NAV2: variants seen among roughly 807,000 people sequenced by gnomAD.
NAV2 encodes the protein helicase, APC down-regulated 1.
Under a neutral mutation model 223.2 loss-of-function variants are expected in NAV2, and 54 were observed. That is an observed-to-expected ratio of 0.24 (90% CI 0.19 to 0.30). The LOEUF (loss-of-function observed/expected upper bound fraction) is 0.30, where lower values mean the gene tolerates loss of function less well. Among genes scored for constraint, NAV2 ranks in the 10% least tolerant of loss-of-function variants. The pLI, the probability that NAV2 is intolerant of heterozygous loss-of-function variation, is 1.00. For synonymous variants in NAV2, 1,279 were observed against 1,239.3 expected (o/e 1.03, Z -0.67); for missense variants, 2,806 against 3,147.5 (o/e 0.89, Z 2.60).
At chr11:19,521,313 A>T (rs1375519061) in intron 1 of NAV2, among the ~76,000 whole-genome samples, 1 of 152,108 alleles carries the variant, frequency 6.6e-6, no homozygotes, top group Non-Finnish European at 1.5e-5. Context: ...GAGACCATGG[A>T]CCCAGAGGCC....
At chr11:19,897,968 C>G (rs557011940) in intron 6 of NAV2, among the ~76,000 whole-genome samples, 49 of 149,646 alleles carry the variant, frequency 3.3e-4, no homozygotes, top group African/African-American at 1.2e-3. Flanking sequence ...CCCTAGGGCT[C>G]CAGACCAGAA....
chr11:19,780,845 T>A (rs2056678379), intron 1 of NAV2, among the ~76,000 whole-genome samples: 1 of 152,210 alleles, frequency 6.6e-6, no homozygotes, highest in African/African-American at 2.4e-5. Context: ...AAGTCAATAG[T>A]GCCAAGTTCT....
intron 1 of NAV2, among the ~76,000 whole-genome samples, chr11:19,413,107 G>A (rs1850215750): frequency 6.6e-6 from 1 of 152,124 alleles, no homozygotes; most frequent in South Asian, 2.1e-4. Flanking sequence ...GGCCTCAGAA[G>A]GTGGGTAATA....
intron 1 of NAV2, among the ~76,000 whole-genome samples, chr11:19,364,867 A>C (rs16936606): frequency 0.016 from 2,455 of 152,022 alleles, 68 homozygotes; most frequent in African/African-American, 0.056. Flanking sequence ...AAAACTGTCA[A>C]CTCTTGTTAT....
chr11:20,105,467 C>T, intron 34 of NAV2, 64 bp from the exon 35 acceptor site: 1 of 1,418,398 alleles, frequency 7.1e-7, no homozygotes, highest in Non-Finnish European at 9.8e-7. Flanking sequence ...TGCTTTGGTT[C>T]CTGAGGTCAG....
At chr11:19,531,382 T>G (rs1590426597) in intron 1 of NAV2, among the ~76,000 whole-genome samples, 1 of 152,128 alleles carries the variant, frequency 6.6e-6, no homozygotes. Flanking sequence ...AGACCGTAGG[T>G]AGTCAAAGAA....
At chr11:19,641,079 G>C (rs1212640911) in intron 1 of NAV2, among the ~76,000 whole-genome samples, 1 of 152,176 alleles carries the variant, frequency 6.6e-6, no homozygotes, top group Non-Finnish European at 1.5e-5. Context: ...TCCAGAGACT[G>C]TTGCTGTCCA....
intron 1 of NAV2, among the ~76,000 whole-genome samples, chr11:19,694,464 C>G (rs758697874): frequency 1.3e-5 from 2 of 152,288 alleles, no homozygotes; most frequent in East Asian, 1.9e-4. Flanking sequence ...GAACAGGGAC[C>G]TATGGTACTC....
intron 1 of NAV2, among the ~76,000 whole-genome samples, chr11:19,375,894 A>G (rs772817385): frequency 6.6e-6 from 1 of 152,200 alleles, no homozygotes; most frequent in East Asian, 1.9e-4. Context: ...TTTATTAAAA[A>G]CACAAATATC....
chr11:19,405,404 G>C (rs567361242), intron 1 of NAV2, among the ~76,000 whole-genome samples: 1 of 152,274 alleles, frequency 6.6e-6, no homozygotes, highest in East Asian at 1.9e-4. Context: ...TCCCCTTCAT[G>C]ATAAATGATC....
rs149970078 is a variant in NAV2 at position 19,830,705 on chromosome 11, C to T, written c.268-1779C>T. ...ACCCAAATCCCTACTCTTGTGGAGC[C>T]TACAGAACCGGGACCTGAACCCATG... is the stretch of plus-strand genomic sequence containing the variant. On this transcript the variant is annotated intron_variant, in intron 1 of 37. Transcript: ENST00000349880. 2.5e-3 allele frequency among the ~76,000 whole-genome samples: 378 copies of T among 152,312 alleles called. 2 individuals carry two copies. The highest frequency in any genetic ancestry group is 8.4e-3 in the African/African-American group (349 of 41,582).
intron 25 of NAV2, among the ~76,000 whole-genome samples, chr11:20,080,666 T>A (rs2060034498): frequency 6.6e-6 from 1 of 152,206 alleles, no homozygotes; most frequent in African/African-American, 2.4e-5. Context: ...ACCAACCCTC[T>A]CTTTGAAAAC....
chr11:19,447,911 C>T (rs1020802128), intron 1 of NAV2, among the ~76,000 whole-genome samples: 1 of 152,126 alleles, frequency 6.6e-6, no homozygotes, highest in Non-Finnish European at 1.5e-5. Context: ...ACCCCCAGCT[C>T]CCAATGAGCA....
intron 1 of NAV2, among the ~76,000 whole-genome samples, chr11:19,514,868 G>A (rs2043394773): frequency 6.6e-6 from 1 of 152,194 alleles, no homozygotes; most frequent in Non-Finnish European, 1.5e-5. Flanking sequence ...TGAAGCAGGG[G>A]CATGAGGAGG....
At chr11:19,677,942 G>A (rs2048762295) in intron 1 of NAV2, among the ~76,000 whole-genome samples, 1 of 152,226 alleles carries the variant, frequency 6.6e-6, no homozygotes, top group Non-Finnish European at 1.5e-5. Flanking sequence ...CTAACCCACT[G>A]AGGTTTTTCC....
At chr11:19,778,665 T>C (rs1454911648) in intron 1 of NAV2, among the ~76,000 whole-genome samples, 1 of 152,230 alleles carries the variant, frequency 6.6e-6, no homozygotes, top group Non-Finnish European at 1.5e-5. Context: ...ATACTTCTTG[T>C]GTTATGTTTG....
At chr11:19,935,851 GTTT>G (rs765632685) in intron 7 of NAV2, among the ~76,000 whole-genome samples, 11 of 52,704 alleles carry the variant, frequency 2.1e-4, no homozygotes, top group East Asian at 1.6e-3. Flanking sequence ...TTTTGTTTCT[GTTT>G]TTTTTTTTTT....
At chr11:19,793,029 C>T (rs2057633796) in intron 1 of NAV2, among the ~76,000 whole-genome samples, 1 of 151,226 alleles carries the variant, frequency 6.6e-6, no homozygotes, top group Non-Finnish European at 1.5e-5. Context: ...GCCAACATGG[C>T]GAAACCCTGT....
chr11:20,020,343 T>C (rs147708267), intron 11 of NAV2, among the ~76,000 whole-genome samples: 82 of 152,332 alleles, frequency 5.4e-4, no homozygotes, highest in African/African-American at 1.9e-3. Flanking sequence ...AAAAGTGTTA[T>C]GAGTTCTGGG....
Sources: gnomAD v4.1 joint callset for allele counts (sites outside exome capture counted in the v4.1 genomes callset) on GRCh38, gnomAD v4.1.1 for gene constraint, MANE v1.5 for transcripts, NCBI Gene and HGNC (gene_info 2026-07-23, HGNC 2026-07-21) for gene names.